SLC35B4: variants seen among roughly 807,000 people sequenced by gnomAD.
SLC35B4 encodes the protein solute carrier family 35 member B4.
SLC35B4 carries 28 observed loss-of-function variants against 39.5 expected under a neutral mutation model. The observed-to-expected ratio is 0.71, with a 90% confidence interval of 0.53 to 0.97. SLC35B4 has a LOEUF of 0.97. Ranked by LOEUF, SLC35B4 falls within the 50% of genes least tolerant of loss-of-function variation. The probability of loss-of-function intolerance (pLI) is 0.00; values close to 1 mark genes in which losing one functional copy is unlikely to be tolerated. For missense variants in SLC35B4, 334 were observed against 414.3 expected (o/e 0.81, Z 1.68); for synonymous variants, 145 against 150.4 (o/e 0.96, Z 0.26).
intron 9 of SLC35B4, among the ~76,000 whole-genome samples, chr7:134,296,056 T>C (rs908061860): frequency 1.3e-5 from 2 of 152,052 alleles, no homozygotes; most frequent in African/African-American, 2.4e-5. Context: ...CTCAAACTCC[T>C]GACCTCAAGT....
Position 134,300,246 on chromosome 7 carries a change from G to C in SLC35B4, c.503C>G (p.Thr168Ser). ...VWWLLGIGAL[T>S]FALLMSARMG... ...CCTTGCTGACATCAGAAGAGCAAAA[G>C]TCAATGCCCCAATACCTAAAAAACA... is the stretch of plus-strand genomic sequence containing the variant. Residue 168 changes from threonine (T) to serine (S), a missense_variant, in exon 7 of 10, where the codon ACT (threonine) becomes AGT (serine). Transcript: ENST00000378509. 2 of 1,610,512 alleles carry C rather than the reference G, an allele frequency of 1.2e-6. No individual in the cohort carries two copies. The highest frequency in any genetic ancestry group is 1.7e-6 in the Non-Finnish European group (2 of 1,178,944).
Position 134,311,942 on chromosome 7 carries a change from G to A in SLC35B4, c.78-2463C>T, listed in dbSNP as rs142826204. The stretch of plus-strand genomic sequence containing the variant: ...TCCACTGTGCTTAAAAGTACACACC[G>A]ACATGCGATATGTTGCTCTGTCACT... On this transcript the variant is annotated intron_variant, in intron 1 of 9. Coordinates refer to ENST00000378509, the MANE Select transcript of SLC35B4 (RefSeq NM_032826.5). Among the ~76,000 whole-genome samples, 1,081 of 152,240 alleles carry A rather than the reference G, an allele frequency of 7.1e-3. 13 individuals are homozygous for A. Among genetic ancestry groups the A allele is most frequent in the African/African-American group, 0.019 (801 of 41,530 alleles).
At chr7:134,314,785 C>T (rs1255452412) in intron 1 of SLC35B4, among the ~76,000 whole-genome samples, 4 of 152,158 alleles carry the variant, frequency 2.6e-5, no homozygotes, top group Non-Finnish European at 5.9e-5. Context: ...CCACCCACCT[C>T]GGACTCCCAA....
chr7:134,290,734 G>A lies in SLC35B4; in HGVS notation c.*4099C>T, dbSNP rs1023609759. ...ATTGACAGTTCTTTCAACCTTAAGA[G>A]TGAACTGCTACAGGTAAGATTCAAT... On this transcript the variant is annotated 3_prime_UTR_variant, in exon 10 of 10. Coordinates refer to ENST00000378509, the MANE Select transcript of SLC35B4 (RefSeq NM_032826.5). 5 of 152,184 alleles carry A rather than the reference G, an allele frequency of 3.3e-5. No homozygotes were observed. Among genetic ancestry groups the A allele is most frequent in the African/African-American group, 1.2e-4 (5 of 41,444 alleles). 9.4% of individuals were successfully genotyped at this position (152,184 alleles called of 1,614,324 possible).
At chr7:134,310,419 T>G (rs190291078) in intron 1 of SLC35B4, among the ~76,000 whole-genome samples, 1 of 152,348 alleles carries the variant, frequency 6.6e-6, no homozygotes, top group Admixed American at 6.5e-5. Flanking sequence ...TTCTTGAGCT[T>G]GTCTTCCATT....
chr7:134,316,781 A>C lies in SLC35B4; in HGVS notation c.-30T>G. Reference sequence around the variant, plus strand: ...GGTGCAGGGTTGGGGAAGCAAGCGCACAGAGTAAGCGCCCGCCTGTACCGC... The same window carrying C: ...GGTGCAGGGTTGGGGAAGCAAGCGCCCAGAGTAAGCGCCCGCCTGTACCGC... On this transcript the variant is annotated 5_prime_UTR_variant, in exon 1 of 10. Transcript: ENST00000378509. 6.5e-7 allele frequency: 1 copy of C among 1,536,410 alleles called. No homozygotes were observed. The highest frequency in any genetic ancestry group is 8.7e-7 in the Non-Finnish European group (1 of 1,143,240).
intron 4 of SLC35B4, among the ~76,000 whole-genome samples, chr7:134,302,802 C>T (rs1234716728): frequency 6.6e-6 from 1 of 152,054 alleles, no homozygotes; most frequent in Admixed American, 6.5e-5. Context: ...TGAACCATCC[C>T]AGGTTTTCTA....
In SLC35B4 at chr7:134,308,937, G is replaced by A. The variant is rs528439461; in HGVS notation, c.191+429C>T. ...TAACCATTTTAAAGTGAACAATTCC[G>A]TGGCATTTAGTACATTCACAAAGTT... On this transcript the variant is annotated intron_variant, in intron 2 of 9. Transcript: ENST00000378509. Among the ~76,000 whole-genome samples, 19 of 152,234 alleles carry A rather than the reference G, an allele frequency of 1.2e-4. No individual in the cohort carries two copies. The South Asian group carries it at 3.1e-3, about 25-fold the overall frequency.
Position 134,289,782 on chromosome 7 carries a change from A to C in SLC35B4, c.*5051T>G, listed in dbSNP as rs1430928904. The C allele has an allele frequency of 6.6e-6, 1 of 152,232 alleles. No individual in the cohort carries two copies. Among genetic ancestry groups the C allele is most frequent in the Non-Finnish European group, 1.5e-5 (1 of 68,038 alleles). 9.4% of individuals were successfully genotyped at this position (152,232 alleles called of 1,614,324 possible). On this transcript the variant is annotated 3_prime_UTR_variant, in exon 10 of 10. Coordinates refer to ENST00000378509, the MANE Select transcript of SLC35B4 (RefSeq NM_032826.5). Reference sequence around the variant, plus strand: ...CACAAGAGTCATCTATGCATTTCAAAAGATATCAGTAAGTCAATGTGCCAA... The same window carrying C: ...CACAAGAGTCATCTATGCATTTCAACAGATATCAGTAAGTCAATGTGCCAA...
chr7:134,299,800 T>C (rs1406021046), intron 7 of SLC35B4, among the ~76,000 whole-genome samples: 1 of 152,218 alleles, frequency 6.6e-6, no homozygotes, highest in African/African-American at 2.4e-5. Context: ...TTATGGTTCT[T>C]GCCCTTATAG....
intron 1 of SLC35B4, among the ~76,000 whole-genome samples, chr7:134,312,069 G>A (rs1803857894): frequency 1.3e-5 from 2 of 152,134 alleles, no homozygotes; most frequent in South Asian, 2.1e-4. Flanking sequence ...TAGAGTAAAT[G>A]AGCCATCCCT....
intron 7 of SLC35B4, 59 bp from the exon 8 acceptor site, chr7:134,299,657 G>C: frequency 1.4e-6 from 2 of 1,409,122 alleles, no homozygotes; most frequent in Non-Finnish European, 2.0e-6. Flanking sequence ...AATAATTAGA[G>C]TAGCTTTACA....
intron 8 of SLC35B4, among the ~76,000 whole-genome samples, chr7:134,297,163 C>T (rs575209760): frequency 1.3e-5 from 2 of 152,322 alleles, no homozygotes; most frequent in African/African-American, 2.4e-5. Context: ...TCAAGTGATT[C>T]GCCTGCCTTG....
upstream of SLC35B4, chr7:134,316,961 A>G (rs1804000892): frequency 1.4e-5 from 8 of 574,616 alleles, no homozygotes; most frequent in East Asian, 2.4e-4. Context: ...CTTCGGTCCC[A>G]TTCATCCGAG....
chr7:134,297,583 A>AG (rs1233293428), intron 8 of SLC35B4, among the ~76,000 whole-genome samples: 3 of 146,416 alleles, frequency 2.0e-5, no homozygotes, highest in Non-Finnish European at 4.4e-5. Flanking sequence ...AAAAAAACTC[A>AG]GAAAAAAAGT....
At chr7:134,310,704 C>A (rs1186902818) in intron 1 of SLC35B4, among the ~76,000 whole-genome samples, 1 of 151,936 alleles carries the variant, frequency 6.6e-6, no homozygotes, top group Non-Finnish European at 1.5e-5. Flanking sequence ...GCCACCAGGC[C>A]CGGCTAATTT....
At position 134,305,684 on chromosome 7, in the gene SLC35B4, C is replaced by T. The variant is rs184233479; in HGVS notation, c.295-830G>A. ...TTCTACCCCCGACCAGTTTTTTCTT[C>T]CCTCAGACGGAGTTTTGCTCTTGTT... On this transcript the variant is annotated intron_variant, in intron 3 of 9. Coordinates refer to ENST00000378509, the MANE Select transcript of SLC35B4 (RefSeq NM_032826.5). Among the ~76,000 whole-genome samples the T allele has an allele frequency of 1.3e-3, 200 of 152,120 alleles. 1 individual carries two copies. Among genetic ancestry groups the T allele is most frequent in the Middle Eastern group, 0.01 (3 of 294 alleles).
At chr7:134,315,568 C>G (rs1803952355) in intron 1 of SLC35B4, among the ~76,000 whole-genome samples, 1 of 147,814 alleles carries the variant, frequency 6.8e-6, no homozygotes, top group South Asian at 2.2e-4. Flanking sequence ...ATAAGAAACA[C>G]AAATGAGTTT....
chr7:134,297,890 T>TAC (rs1278133975), intron 8 of SLC35B4, among the ~76,000 whole-genome samples: 4 of 151,960 alleles, frequency 2.6e-5, no homozygotes, highest in African/African-American at 4.8e-5. Context: ...AAAAGACACA[T>TAC]ACACACACAC....
Sources: allele counts gnomAD v4.1 joint callset (sites outside exome capture counted in the v4.1 genomes callset), GRCh38; gene constraint gnomAD v4.1.1; transcripts MANE v1.5; gene names NCBI Gene and HGNC (gene_info 2026-07-23, HGNC 2026-07-21).